The following ST6GALNAC1 variants were observed in gnomAD, a reference collection of about 807,000 sequenced individuals.
ST6GALNAC1 encodes the protein ST6 N-acetylgalactosaminide alpha-2,6-sialyltransferase 1.
In ST6GALNAC1, 45 loss-of-function variants were observed where a neutral mutation model predicts 56.8. The ratio of observed to expected loss-of-function variants is 0.79; its 90% CI spans 0.62 to 1.02. The LOEUF (loss-of-function observed/expected upper bound fraction) is 1.02, where lower values mean the gene tolerates loss of function less well. Ranked by LOEUF, ST6GALNAC1 falls within the 50% of genes least tolerant of loss-of-function variation. The pLI, the probability that ST6GALNAC1 is intolerant of heterozygous loss-of-function variation, is 0.00. For missense variants in ST6GALNAC1, 743 were observed against 754.8 expected (o/e 0.98, Z 0.18); for synonymous variants, 295 against 297.8 (o/e 0.99, Z 0.10).
At chr17:76,620,324 G>A (rs1413351802), downstream of ST6GALNAC1, among the ~76,000 whole-genome samples, 1 of 152,136 alleles carries the variant, frequency 6.6e-6, no homozygotes, top group Non-Finnish European at 1.5e-5. Flanking sequence ...ACAGGTGTGA[G>A]CCACCGCACC....
At chr17:76,617,494 A>C in the ST6GALNAC1 span, among the ~76,000 whole-genome samples, 1 of 152,214 alleles carries the variant, frequency 6.6e-6, no homozygotes, top group African/African-American at 2.4e-5. Context: ...CTCCCCATGC[A>C]AAAGAAGGGA....
chr17:76,627,260 T>C lies in ST6GALNAC1; in HGVS notation c.1001-22A>G. On this transcript the variant is annotated intron_variant, in intron 3 of 8. Coordinates refer to ENST00000156626, the MANE Select transcript of ST6GALNAC1 (RefSeq NM_018414.5). The surrounding 1 kb of genome is among the most constrained non-coding windows in gnomAD (Gnocchi z 4.4). ...ACCACTGGAACAAGAGTGGGGGTGC[T>C]CCATTCAGAGCCCTGGGAGGGACAG... 6.4e-7 allele frequency: 1 copy of C among 1,551,884 alleles called. No individual in the cohort carries two copies. Among genetic ancestry groups the C allele is most frequent in the East Asian group, 2.3e-5 (1 of 44,306 alleles).
chr17:76,625,578 C>T (rs765013053), intron 8 of ST6GALNAC1, 51 bp from the exon 9 acceptor site: 4 of 1,594,910 alleles, frequency 2.5e-6, no homozygotes, highest in Non-Finnish European at 3.4e-6. Flanking sequence ...GTTGCCCAGG[C>T]TTCTTCTCAT....
chr17:76,641,284 G>T (rs1401612350), intron 1 of ST6GALNAC1, among the ~76,000 whole-genome samples: 1 of 152,046 alleles, frequency 6.6e-6, no homozygotes, highest in African/African-American at 2.4e-5. Flanking sequence ...ATGTGACTGG[G>T]CCAGTGCACC....
intron 1 of ST6GALNAC1, among the ~76,000 whole-genome samples, chr17:76,631,299 A>G (rs184371700): frequency 6.6e-6 from 1 of 152,274 alleles, no homozygotes; most frequent in Admixed American, 6.5e-5. Context: ...CCTTTGTTAT[A>G]TGACTCAAAG....
At chr17:76,621,074 C>T (rs895866543), downstream of ST6GALNAC1, among the ~76,000 whole-genome samples, 2 of 152,136 alleles carry the variant, frequency 1.3e-5, no homozygotes, top group Non-Finnish European at 2.9e-5. Flanking sequence ...AGCAGCTGGG[C>T]TTTCAACCAG....
chr17:76,625,958 A>G (rs2075792058), intron 7 of ST6GALNAC1, 40 bp from the exon 8 acceptor site: 1 of 1,607,458 alleles, frequency 6.2e-7, no homozygotes, highest in African/African-American at 1.3e-5. Flanking sequence ...AGGAGGCTGC[A>G]AGGATAACAG....
intron 1 of ST6GALNAC1, among the ~76,000 whole-genome samples, chr17:76,636,656 G>A (rs2075976860): frequency 1.4e-5 from 2 of 147,822 alleles, no homozygotes; most frequent in South Asian, 2.1e-4. Flanking sequence ...GGGAGGTGGG[G>A]GTAGCCCCCA....
chr17:76,618,717 G>A, the ST6GALNAC1 span, among the ~76,000 whole-genome samples: 1 of 151,704 alleles, frequency 6.6e-6, no homozygotes. Context: ...GGAGGTGGAG[G>A]TTGCAGTGAG....
chr17:76,628,248 C>CTCCT (rs2143429474), intron 2 of ST6GALNAC1, among the ~76,000 whole-genome samples: 1 of 53,962 alleles, frequency 1.9e-5, no homozygotes, highest in Non-Finnish European at 4.3e-5. Context: ...TTCTCCCTCC[C>CTCCT]TCCCTCCCTC....
At chr17:76,638,947 A>G (rs984884199) in intron 1 of ST6GALNAC1, among the ~76,000 whole-genome samples, 1 of 152,142 alleles carries the variant, frequency 6.6e-6, no homozygotes, top group Non-Finnish European at 1.5e-5. Flanking sequence ...AGTCCAGCTG[A>G]TCTGACTTCT....
downstream of ST6GALNAC1, among the ~76,000 whole-genome samples, chr17:76,620,581 C>CTTTTT (rs557882355): frequency 4.3e-3 from 611 of 142,652 alleles, 7 homozygotes; most frequent in African/African-American, 0.015. Context: ...CTTTGTGTTC[C>CTTTTT]TTTTTTTTTT....
chr17:76,631,534 G>T (rs1332949609), intron 1 of ST6GALNAC1, among the ~76,000 whole-genome samples: 1 of 152,146 alleles, frequency 6.6e-6, no homozygotes, highest in African/African-American at 2.4e-5. Flanking sequence ...CTCTGGGGGG[G>T]CTTGGAACCA....
intron 1 of ST6GALNAC1, among the ~76,000 whole-genome samples, chr17:76,632,935 GTGGC>G (rs1196258328): frequency 6.6e-6 from 1 of 152,212 alleles, no homozygotes; most frequent in African/African-American, 2.4e-5. Context: ...GCTGGGTGAG[GTGGC>G]TCATGCCTAT....
At chr17:76,623,001 G>A (rs977979139), downstream of ST6GALNAC1, among the ~76,000 whole-genome samples, 10 of 152,076 alleles carry the variant, frequency 6.6e-5, no homozygotes, top group Admixed American at 2.0e-4. Flanking sequence ...CACCATATTG[G>A]CCAGGCTGGT....
Position 76,643,743 on chromosome 17 carries a change from CT to C in ST6GALNAC1, c.-106del. On this transcript the variant is annotated 5_prime_UTR_variant, in exon 1 of 9. Transcript: ENST00000156626. Reference sequence around the variant, plus strand: ...GTTTCCTGGCCAGGAAGTGCACACCCTTTGTCTTAACAATGAGCCACTCCGG... The same window carrying C: ...GTTTCCTGGCCAGGAAGTGCACACCCTTGTCTTAACAATGAGCCACTCCGG... The C allele has an allele frequency of 8.3e-7, 1 of 1,205,042 alleles. No individual in the cohort carries two copies. Among genetic ancestry groups the C allele is most frequent in the Non-Finnish European group, 1.2e-6 (1 of 852,592 alleles). 74.6% of individuals were successfully genotyped at this position (1,205,042 alleles called of 1,614,324 possible).
chr17:76,618,337 G>A, the ST6GALNAC1 span, among the ~76,000 whole-genome samples: 1 of 152,206 alleles, frequency 6.6e-6, no homozygotes, highest in Non-Finnish European at 1.5e-5. Context: ...TTGCCAACTT[G>A]TCTGTCATGT....
chr17:76,643,680 G>C lies in ST6GALNAC1; in HGVS notation c.-42C>G. On this transcript the variant is annotated 5_prime_UTR_variant, in exon 1 of 9. Coordinates refer to ENST00000156626, the MANE Select transcript of ST6GALNAC1 (RefSeq NM_018414.5). The stretch of plus-strand genomic sequence containing the variant: ...CTAGAGGAAGGTTCTGCATGTCCTG[G>C]GGCCTTGATGTAGGCAGCTGGGAGT... The C allele has an allele frequency of 6.2e-7, 1 of 1,603,874 alleles. No individual in the cohort carries two copies. Among genetic ancestry groups the C allele is most frequent in the East Asian group, 2.2e-5 (1 of 44,638 alleles).
chr17:76,636,850 A>G (rs1310415854), intron 1 of ST6GALNAC1, among the ~76,000 whole-genome samples: 1 of 152,184 alleles, frequency 6.6e-6, no homozygotes, highest in Non-Finnish European at 1.5e-5. Flanking sequence ...TGGGGAAAAG[A>G]AAGAGAGATC....
Sources: allele counts gnomAD v4.1 joint callset (sites outside exome capture counted in the v4.1 genomes callset), GRCh38; gene constraint gnomAD v4.1.1; non-coding constraint Gnocchi (gnomAD v3.1); transcripts MANE v1.5; gene names NCBI Gene and HGNC (gene_info 2026-07-23, HGNC 2026-07-21).